The following TTLL11 variants were observed in gnomAD, a reference collection of about 807,000 sequenced individuals.
The protein encoded by TTLL11 is tubulin tyrosine ligase like 11, also known as tubulin polyglutamylase TTLL11.
In TTLL11, 42 loss-of-function variants were observed where a neutral mutation model predicts 51.7. That is an observed-to-expected ratio of 0.81 (90% CI 0.64 to 1.05). TTLL11 has a LOEUF of 1.05. Ranked by LOEUF, TTLL11 falls within the 50% of genes least tolerant of loss-of-function variation. The probability of loss-of-function intolerance (pLI) is 0.00; values close to 1 mark genes in which losing one functional copy is unlikely to be tolerated. For synonymous variants in TTLL11, 381 were observed against 383.5 expected, an observed-to-expected ratio of 0.99 and a Z score of 0.08; for missense variants, 799 against 940.4, an observed-to-expected ratio of 0.85 and a Z score of 1.97.
chr9:121,982,301 C>G lies in TTLL11; in HGVS notation c.1269+6894G>C, dbSNP rs112928111. ...TGAAAATGTTTCTTTCATGTACACA[C>G]TCATATATATTTCTGGTAGTCTAGT... On this transcript the variant is annotated intron_variant, in intron 4 of 8. Coordinates refer to ENST00000321582, the MANE Select transcript of TTLL11 (RefSeq NM_001139442.2). 5.8e-3 allele frequency among the ~76,000 whole-genome samples: 882 copies of G among 152,296 alleles called. 10 individuals are homozygous for G. Among genetic ancestry groups the G allele is most frequent in the African/African-American group, 0.02 (848 of 41,548 alleles).
At position 121,950,045 on chromosome 9, in the gene TTLL11, G is replaced by A. The variant is rs558748337; in HGVS notation, c.1481+23964C>T. Reference sequence around the variant, plus strand: ...TTCACCTTTTCCCTATGACTAAGGAGGACACATTCCCATTTCGGTCCCTTT... The same window carrying A: ...TTCACCTTTTCCCTATGACTAAGGAAGACACATTCCCATTTCGGTCCCTTT... On this transcript the variant is annotated intron_variant, in intron 6 of 8. Transcript: ENST00000321582. Among the ~76,000 whole-genome samples the A allele has an allele frequency of 1.2e-4, 18 of 152,200 alleles. No individual in the cohort carries two copies. The South Asian group carries it at 3.1e-3, about 26-fold the overall frequency.
chr9:122,086,523 T>C (rs1846131035), intron 1 of TTLL11, among the ~76,000 whole-genome samples: 2 of 152,312 alleles, frequency 1.3e-5, no homozygotes, highest in South Asian at 4.2e-4. Flanking sequence ...TATTTCATTT[T>C]ATACTCTACC....
chr9:122,082,890 A>C (rs1444809950), intron 1 of TTLL11, among the ~76,000 whole-genome samples: 3 of 152,044 alleles, frequency 2.0e-5, no homozygotes, highest in Non-Finnish European at 2.9e-5. Flanking sequence ...TTAGCTGGGC[A>C]TGGTGTGCAC....
intron 6 of TTLL11, among the ~76,000 whole-genome samples, chr9:121,971,812 A>G (rs987070070): frequency 1.3e-5 from 2 of 151,700 alleles, no homozygotes; most frequent in African/African-American, 4.8e-5. Flanking sequence ...ATAAAAAAGA[A>G]TGAGTTCATG....
At chr9:121,963,218 C>T (rs59993776) in intron 6 of TTLL11, among the ~76,000 whole-genome samples, 1,787 of 152,290 alleles carry the variant, frequency 0.012, 34 homozygotes, top group African/African-American at 0.041. Flanking sequence ...CGGTCAGCAC[C>T]CAAGAAACAC....
chr9:121,945,665 T>C (rs1190223060), intron 6 of TTLL11, among the ~76,000 whole-genome samples: 1 of 152,222 alleles, frequency 6.6e-6, no homozygotes, highest in Admixed American at 6.5e-5. Context: ...ACCGAACTAC[T>C]TACAATTTTC....
chr9:121,968,595 T>C (rs1004727446), intron 6 of TTLL11, among the ~76,000 whole-genome samples: 1 of 152,230 alleles, frequency 6.6e-6, no homozygotes, highest in African/African-American at 2.4e-5. Context: ...TCTCGCTCTG[T>C]TGCCAGGCCG....
intron 6 of TTLL11, among the ~76,000 whole-genome samples, chr9:121,883,577 G>C (rs1441735401): frequency 6.6e-6 from 1 of 152,132 alleles, no homozygotes; most frequent in Non-Finnish European, 1.5e-5. Flanking sequence ...ATGCCTATTA[G>C]CAGTCAGGTC....
At chr9:121,971,012 G>C (rs1349787999) in intron 6 of TTLL11, among the ~76,000 whole-genome samples, 1 of 146,922 alleles carries the variant, frequency 6.8e-6, no homozygotes, top group Admixed American at 6.8e-5. Context: ...CCATCCGGGA[G>C]GGAGGTGGGG....
intron 1 of TTLL11, among the ~76,000 whole-genome samples, chr9:122,050,503 G>A (rs1845130002): frequency 6.6e-6 from 1 of 152,108 alleles, no homozygotes; most frequent in Non-Finnish European, 1.5e-5. Flanking sequence ...TCACCTGACA[G>A]ATGCTTCAGG....
At chr9:122,088,898 CA>C (rs1442595608) in intron 1 of TTLL11, among the ~76,000 whole-genome samples, 1 of 150,878 alleles carries the variant, frequency 6.6e-6, no homozygotes, top group African/African-American at 2.4e-5. Flanking sequence ...CTCAGCTACT[CA>C]GGAGGCTGAG....
At position 121,989,621 on chromosome 9, in the gene TTLL11, G is replaced by T; in HGVS notation, c.843C>A (p.Val281=). The T allele has an allele frequency of 6.2e-7, 1 of 1,614,108 alleles. No individual in the cohort carries two copies. Among genetic ancestry groups the T allele is most frequent in the African/African-American group, 1.3e-5 (1 of 75,012 alleles). ...GGAGAGGTTTGCAGATGTACTCCTG[G>T]ACCACCGCTGGCCTGCTCTGGAGGG... The part of the protein sequence containing the change: ...AGTLQSRPAV[V]QEYICKPLLI... The change falls in exon 4 of 9, where the codon GTC becomes GTA. Residue 281 remains valine, a synonymous_variant. Transcript: ENST00000321582. The surrounding 1 kb of genome is among the most constrained non-coding windows in gnomAD (Gnocchi z 4.2).
At chr9:122,055,865 G>A (rs1235909980) in intron 1 of TTLL11, among the ~76,000 whole-genome samples, 5 of 152,202 alleles carry the variant, frequency 3.3e-5, no homozygotes, top group African/African-American at 1.2e-4. Context: ...CCAAAAGACT[G>A]GGAGGGAGGG....
In TTLL11 at chr9:122,048,370, T is replaced by C. The variant is rs567769651; in HGVS notation, c.463-9002A>G. On this transcript the variant is annotated intron_variant, in intron 1 of 8. Coordinates refer to ENST00000321582, the MANE Select transcript of TTLL11 (RefSeq NM_001139442.2). ...TTTGTAGAGTCAGAGTTGCGCTATG[T>C]TGCCCAGGCTGGTCTCAAACTCCTG... Among the ~76,000 whole-genome samples, 4 of 152,290 alleles carry C rather than the reference T, an allele frequency of 2.6e-5. No homozygotes were observed. In the South Asian group the frequency reaches 8.3e-4, roughly 32 times the overall value.
chr9:121,935,333 C>T (rs990327075), intron 6 of TTLL11, among the ~76,000 whole-genome samples: 2 of 152,140 alleles, frequency 1.3e-5, no homozygotes, highest in African/African-American at 2.4e-5. Flanking sequence ...AAAGTCAATA[C>T]AAGAACAAGG....
intron 3 of TTLL11, among the ~76,000 whole-genome samples, chr9:122,010,508 C>T (rs1185187595): frequency 6.6e-6 from 1 of 152,140 alleles, no homozygotes; most frequent in East Asian, 1.9e-4. Flanking sequence ...AACAGCAGAG[C>T]TGAGTATTTA....
intron 6 of TTLL11, among the ~76,000 whole-genome samples, chr9:121,889,735 A>G (rs1006024916): frequency 7.9e-5 from 12 of 152,218 alleles, no homozygotes; most frequent in African/African-American, 2.9e-4. Context: ...CCCCGTCTCT[A>G]CTAAAAATAC....
In TTLL11 at chr9:122,093,112, G is replaced by C. The variant is rs1011923121; in HGVS notation, c.37C>G (p.Arg13Gly). ...RGSSESELAA[R>G]WEAEAVAAAK... ...GCAGCCACCGCCTCCGCCTCCCACC[G>C]GGCCGCCAGCTCGCTCTCGGAGCTG... is the stretch of plus-strand genomic sequence containing the variant. The change falls in exon 1 of 9, where the codon CGG becomes GGG. Residue 13 changes from arginine (R) to glycine (G), a missense_variant. By Grantham distance (125) the Arg-to-Gly change is moderately radical (BLOSUM62 -2). This residue lies in a region of TTLL11 where 166 missense variants were observed against 161.6 expected (regional missense o/e 1.03). Coordinates refer to ENST00000321582, the MANE Select transcript of TTLL11 (RefSeq NM_001139442.2). The C allele has an allele frequency of 1.3e-6, 2 of 1,496,536 alleles. No homozygotes were observed. The highest frequency in any genetic ancestry group is 1.8e-6 in the Non-Finnish European group (2 of 1,130,008). The allele number at this position is 1,496,536 out of a possible 1,614,324, so 92.7% of individuals were successfully genotyped here.
chr9:121,836,133 C>G (rs1837172841), intron 8 of TTLL11, among the ~76,000 whole-genome samples: 1 of 152,146 alleles, frequency 6.6e-6, no homozygotes, highest in Non-Finnish European at 1.5e-5. Context: ...ATGGTAGATG[C>G]TTTTATGGCC....
Sources: gnomAD v4.1 joint callset for allele counts (sites outside exome capture counted in the v4.1 genomes callset) on GRCh38, gnomAD v4.1.1 for gene constraint, gnomAD v4.1.1 regional missense constraint, Gnocchi (gnomAD v3.1) non-coding constraint, MANE v1.5 for transcripts, NCBI Gene and HGNC (gene_info 2026-07-23, HGNC 2026-07-21) for gene names.